Variants in MRPL44 observed in about 807,000 individuals in gnomAD.
MRPL44 encodes mitochondrial ribosomal protein L44.
A neutral mutation model predicts 25.9 loss-of-function variants in MRPL44; 21 were observed. That is an observed-to-expected ratio of 0.81 (90% confidence interval 0.58 to 1.17). The LOEUF is 1.17. Among genes scored for constraint, MRPL44 ranks in the 50% most tolerant of loss-of-function variants. The pLI, the probability that MRPL44 is intolerant of heterozygous loss-of-function variation, is 0.00. For missense variants in MRPL44, 410 were observed against 398.9 expected, an observed-to-expected ratio of 1.03 and a Z score of -0.24; for synonymous variants, 169 against 151.0, an observed-to-expected ratio of 1.12 and a Z score of -0.87.
upstream of MRPL44, chr2:223,957,423 A>C: frequency 6.2e-7 from 1 of 1,607,484 alleles, no homozygotes; most frequent in Non-Finnish European, 8.5e-7. Context: ...TGTTACGGGG[A>C]CACTGGCCCG....
intron 2 of MRPL44, among the ~76,000 whole-genome samples, chr2:223,960,278 T>C (rs1689637805): frequency 6.6e-6 from 1 of 152,182 alleles, no homozygotes; most frequent in South Asian, 2.1e-4. Flanking sequence ...GGATACTGCC[T>C]GCATGAGAGA....
At chr2:223,960,300 T>C (rs1009489118) in intron 2 of MRPL44, among the ~76,000 whole-genome samples, 6 of 152,186 alleles carry the variant, frequency 3.9e-5, no homozygotes, top group Non-Finnish European at 5.9e-5. Context: ...ACTCAGTAGA[T>C]GTTTGGTGAA....
At chr2:223,956,180 T>C (rs1469558210), upstream of MRPL44, among the ~76,000 whole-genome samples, 1 of 152,230 alleles carries the variant, frequency 6.6e-6, no homozygotes, top group Admixed American at 6.5e-5. Context: ...AACAAGAAGG[T>C]CAATCGTAAC....
intron 1 of MRPL44, among the ~76,000 whole-genome samples, chr2:223,959,297 G>A (rs768110195): frequency 3.3e-5 from 5 of 152,172 alleles, no homozygotes; most frequent in Non-Finnish European, 5.9e-5. Context: ...AATTTCATGT[G>A]ACAATTGGAT....
chr2:223,960,130 G>A, intron 2 of MRPL44, 128 bp downstream of exon 2: 1 of 671,572 alleles, frequency 1.5e-6, no homozygotes, highest in South Asian at 2.1e-5. Flanking sequence ...AAGACCTAAA[G>A]GTTTTTTATG....
chr2:223,954,327 T>C (rs1352511207), upstream of MRPL44, among the ~76,000 whole-genome samples: 2 of 152,356 alleles, frequency 1.3e-5, no homozygotes, highest in South Asian at 2.1e-4. Flanking sequence ...TTTCATCCAA[T>C]TGATTTGACC....
In MRPL44 at chr2:223,966,977, G is replaced by T. The variant is rs760966645; in HGVS notation, c.942G>T (p.Trp314Cys). 1.2e-6 allele frequency: 2 copies of T among 1,614,072 alleles called. No individual in the cohort carries two copies. The highest frequency in any genetic ancestry group is 1.7e-5 in the Admixed American group (1 of 60,016). ...LYGFTENRRP[W>C]NYSKPKETLR... ...GATTCACAGAAAATAGACGGCCGTG[G>T]AACTATTCCAAGCCCAAAGAAACCT... Residue 314 changes from tryptophan (W) to cysteine (C), a missense_variant, in exon 4 of 4, where the codon TGG becomes TGT. Transcript: ENST00000258383.
chr2:223,962,277 C>G (rs571349897), intron 2 of MRPL44, among the ~76,000 whole-genome samples: 3 of 152,196 alleles, frequency 2.0e-5, no homozygotes. Flanking sequence ...ATCCTCCCAC[C>G]TCAGCCTCCC....
At chr2:223,962,940 G>C (rs1689686498) in intron 2 of MRPL44, among the ~76,000 whole-genome samples, 1 of 152,100 alleles carries the variant, frequency 6.6e-6, no homozygotes, top group South Asian at 2.1e-4. Context: ...GGCCTCAAGT[G>C]ATCTGCCTGC....
chr2:223,957,524 G>T lies in MRPL44; in HGVS notation c.52G>T (p.Ala18Ser), dbSNP rs1230563666. The part of the protein sequence containing the change: ...LLQQGHRCLL[A>S]PVAPKLVPPV... Reference sequence around the variant, plus strand: ...GCAGCAGGGACATCGCTGCCTCCTGGCTCCAGTCGCCCCCAAGCTGGTCCC... The same window carrying T: ...GCAGCAGGGACATCGCTGCCTCCTGTCTCCAGTCGCCCCCAAGCTGGTCCC... Residue 18 changes from alanine (A) to serine (S), a missense_variant, in exon 1 of 4, where the codon GCT (alanine) becomes TCT (serine). Coordinates refer to ENST00000258383, the MANE Select transcript of MRPL44 (RefSeq NM_022915.5). 2 of 1,613,958 alleles carry T rather than the reference G, an allele frequency of 1.2e-6. No individual in the cohort carries two copies. The highest frequency in any genetic ancestry group is 2.7e-5 in the African/African-American group (2 of 74,950).
Position 223,957,623 on chromosome 2 carries a change from C to G in MRPL44, c.151C>G (p.Leu51Val), listed in dbSNP as rs1345182664. Residue 51 changes from leucine to valine, a missense_variant, in exon 1 of 4, where the codon CTG becomes GTG. Leu to Val is a conservative substitution (Grantham distance 32). Coordinates refer to ENST00000258383, the MANE Select transcript of MRPL44 (RefSeq NM_022915.5). ...GAAGGAGTTAGAGCGGCAGCGCCTT[C>G]TGCGGTGCCCGCCGCCGCCCGTGCG... Reference protein sequence around the residue: ...FQKELERQRLLRCPPPPVRRS... With the variant: ...FQKELERQRLVRCPPPPVRRS... 1 of 1,610,198 alleles carries G rather than the reference C, an allele frequency of 6.2e-7. No individual in the cohort carries two copies. The highest frequency in any genetic ancestry group is 8.5e-7 in the Non-Finnish European group (1 of 1,179,766).
At chr2:223,965,408 A>G (rs545763124) in intron 3 of MRPL44, among the ~76,000 whole-genome samples, 1 of 152,252 alleles carries the variant, frequency 6.6e-6, no homozygotes, top group Non-Finnish European at 1.5e-5. Flanking sequence ...TCACTTTCAA[A>G]TCAGCTTATA....
chr2:223,963,889 C>T lies in MRPL44; in HGVS notation c.782C>T (p.Ser261Phe), dbSNP rs538557711. 1 of 1,613,708 alleles carries T rather than the reference C, an allele frequency of 6.2e-7. No individual in the cohort carries two copies. Among genetic ancestry groups the T allele is most frequent in the East Asian group, 2.2e-5 (1 of 44,826 alleles). The part of the protein sequence containing the change: ...SAPESRLTRQ[S>F]GGTTALPLYF... ...CCTGAATCAAGACTTACTAGGCAGT[C>T]TGGTGGCACCACAGCTTTGCCTTTG... Residue 261 changes from serine (S) to phenylalanine (F), a missense_variant, in exon 3 of 4, where the codon TCT becomes TTT. Physicochemically the swap from Ser to Phe is radical, Grantham distance 155 (BLOSUM62 -2). Coordinates refer to ENST00000258383, the MANE Select transcript of MRPL44 (RefSeq NM_022915.5).
At chr2:223,951,548 G>A in the MRPL44 span, among the ~76,000 whole-genome samples, 4 of 147,546 alleles carry the variant, frequency 2.7e-5, no homozygotes, top group African/African-American at 5.1e-5. Flanking sequence ...GCACGTTCTC[G>A]GCTCACTGAA....
Position 223,959,744 on chromosome 2 carries a change from A to G in MRPL44, c.390A>G (p.Thr130=). 1 of 1,614,264 alleles carries G rather than the reference A, an allele frequency of 6.2e-7. No individual in the cohort carries two copies. Among genetic ancestry groups the G allele is most frequent in the Non-Finnish European group, 8.5e-7 (1 of 1,180,042 alleles). ...ATCAAGAACTATCCGAACAAGGGAC[A>G]TCTTTTTCACAGACTTGCCTTACAC... The part of the protein sequence containing the change: ...KSNQELSEQG[T]SFSQTCLTQF... The change falls in exon 2 of 4, where the codon ACA becomes ACG. Residue 130 remains threonine (T), a synonymous_variant. Coordinates refer to ENST00000258383, the MANE Select transcript of MRPL44 (RefSeq NM_022915.5).
At position 223,959,523 on chromosome 2, in the gene MRPL44, T is replaced by A; in HGVS notation, c.180-11T>A. 1 of 1,591,804 alleles carries A rather than the reference T, an allele frequency of 6.3e-7. No individual in the cohort carries two copies. On this transcript the variant is annotated splice_polypyrimidine_tract_variant and intron_variant, in intron 1 of 3. Transcript: ENST00000258383. The stretch of plus-strand genomic sequence containing the variant: ...TCTCTTTACCATCTCTTACTGTCTT[T>A]ACATTTTCAGTTCAGAGAAGCCGAA...
chr2:223,958,703 A>G (rs776210789), intron 1 of MRPL44, among the ~76,000 whole-genome samples: 6 of 152,184 alleles, frequency 3.9e-5, no homozygotes, highest in Non-Finnish European at 7.3e-5. Flanking sequence ...ATACAGGAGG[A>G]TGTGCATAGG....
chr2:223,961,051 C>T (rs913160140), intron 2 of MRPL44, among the ~76,000 whole-genome samples: 4 of 152,182 alleles, frequency 2.6e-5, no homozygotes, highest in Non-Finnish European at 4.4e-5. Flanking sequence ...TTCATTTGTT[C>T]ATCCACTTAA....
At chr2:223,957,428 G>T (rs1218285138), upstream of MRPL44, 1 of 1,610,978 alleles carries the variant, frequency 6.2e-7, no homozygotes, top group East Asian at 2.2e-5. Context: ...CGGGGACACT[G>T]GCCCGACTAC....
Sources: allele counts gnomAD v4.1 joint callset (sites outside exome capture counted in the v4.1 genomes callset), GRCh38; gene constraint gnomAD v4.1.1; transcripts MANE v1.5; gene names NCBI Gene and HGNC (gene_info 2026-07-23, HGNC 2026-07-21).